RNLS: variants seen among roughly 807,000 people sequenced by gnomAD.
RNLS encodes renalase, FAD dependent amine oxidase.
A neutral mutation model predicts 39.8 loss-of-function variants in RNLS; 39 were observed. The ratio of observed to expected loss-of-function variants is 0.98; its 90% CI spans 0.76 to 1.28. The LOEUF (loss-of-function observed/expected upper bound fraction) is 1.28. RNLS is among the 50% of genes most tolerant of loss of function. The pLI, the probability that RNLS is intolerant of heterozygous loss-of-function variation, is 0.00. For missense variants in RNLS, 410 were observed against 413.3 expected (o/e 0.99, Z 0.07); for synonymous variants, 147 against 150.7 (o/e 0.98, Z 0.18).
intron 4 of RNLS, among the ~76,000 whole-genome samples, chr10:88,545,140 T>C (rs1848233353): frequency 6.6e-6 from 1 of 152,176 alleles, no homozygotes; most frequent in Non-Finnish European, 1.5e-5. Flanking sequence ...GCGATTCTTC[T>C]AAGATCATTA....
chr10:88,175,794 T>A, the RNLS span, among the ~76,000 whole-genome samples: 19 of 152,348 alleles, frequency 1.2e-4, no homozygotes, highest in East Asian at 1.9e-3. Context: ...TAATTTTTTT[T>A]AAATTTTCTG....
chr10:88,328,464 GTA>G (rs1846812755), intron 5 of RNLS, among the ~76,000 whole-genome samples: 1 of 151,936 alleles, frequency 6.6e-6, no homozygotes, highest in Admixed American at 6.6e-5. Flanking sequence ...TTTTTAAGGG[GTA>G]TTTTTTCTTT....
chr10:88,424,581 A>T (rs1220858577), intron 4 of RNLS, among the ~76,000 whole-genome samples: 1 of 152,114 alleles, frequency 6.6e-6, no homozygotes, highest in Non-Finnish European at 1.5e-5. Flanking sequence ...CCAATCATAA[A>T]GTGTTCTATC....
intron 4 of RNLS, among the ~76,000 whole-genome samples, chr10:88,396,953 C>T (rs111341453): frequency 4.0e-5 from 6 of 151,784 alleles, no homozygotes; most frequent in African/African-American, 1.5e-4. Flanking sequence ...CAAATGTGCA[C>T]CAAACAACAG....
chr10:88,189,026 T>G, the RNLS span, among the ~76,000 whole-genome samples: 1 of 152,178 alleles, frequency 6.6e-6, no homozygotes, highest in Non-Finnish European at 1.5e-5. Flanking sequence ...TCCTAAGTGA[T>G]TACCTGGATT....
intron 4 of RNLS, among the ~76,000 whole-genome samples, chr10:88,416,341 C>G (rs1589755450): frequency 6.6e-6 from 1 of 151,878 alleles, no homozygotes; most frequent in East Asian, 1.9e-4. Context: ...GCAACCTCTG[C>G]CTCCTGGGTT....
At chr10:88,210,222 G>A in the RNLS span, among the ~76,000 whole-genome samples, 1 of 152,160 alleles carries the variant, frequency 6.6e-6, no homozygotes, top group African/African-American at 2.4e-5. Flanking sequence ...GGGAGGGACT[G>A]AGACTTCTTT....
rs1169798504 is a variant in RNLS at position 88,285,294 on chromosome 10, A to G, written c.*60T>C. The G allele has an allele frequency of 2.8e-6, 4 of 1,438,856 alleles. No homozygotes were observed. The highest frequency in any genetic ancestry group is 3.7e-6 in the Non-Finnish European group (4 of 1,087,190). The allele number at this position is 1,438,856 out of a possible 1,614,324, so 89.1% of individuals were successfully genotyped here. ...AGCAAAATAGAAAACAAAATAATCA[A>G]TAACAGAAAATTGTGAAAATAAAAA... On this transcript the variant is annotated 3_prime_UTR_variant, in exon 7 of 7. Transcript: ENST00000331772.
chr10:88,233,342 G>A, the RNLS span, among the ~76,000 whole-genome samples: 21 of 152,220 alleles, frequency 1.4e-4, no homozygotes, highest in Non-Finnish European at 2.2e-4. Flanking sequence ...AATGTTCACT[G>A]AATGTTCATT....
chr10:88,407,266 T>C (rs1461897875), intron 4 of RNLS, among the ~76,000 whole-genome samples: 2 of 152,008 alleles, frequency 1.3e-5, no homozygotes, highest in Non-Finnish European at 2.9e-5. Flanking sequence ...CCACTACCAA[T>C]GAAAAGAACA....
the RNLS span, among the ~76,000 whole-genome samples, chr10:88,203,418 A>G: frequency 9.0e-6 from 1 of 110,928 alleles, no homozygotes; most frequent in Admixed American, 9.5e-5. Context: ...ATATACACGT[A>G]TGTGTATATA....
In RNLS at chr10:88,438,819, C is replaced by A. The variant is rs557818262; in HGVS notation, c.527-76094G>T. Reference sequence around the variant, plus strand: ...CCTTGGTCTCTGTGCATTCCCAAGCCCAATCTTCTAGTCTTCTTTTAATTC... The same window carrying A: ...CCTTGGTCTCTGTGCATTCCCAAGCACAATCTTCTAGTCTTCTTTTAATTC... On this transcript the variant is annotated intron_variant, in intron 4 of 6. Transcript: ENST00000331772. Among the ~76,000 whole-genome samples the A allele has an allele frequency of 1.8e-4, 27 of 152,234 alleles. No homozygotes were observed. The South Asian group carries it at 1.9e-3, about 11-fold the overall frequency.
intron 4 of RNLS, among the ~76,000 whole-genome samples, chr10:88,422,270 C>T (rs1854453660): frequency 6.6e-6 from 1 of 152,182 alleles, no homozygotes; most frequent in Non-Finnish European, 1.5e-5. Flanking sequence ...TTATTCAGTG[C>T]ACTTATGCTT....
At chr10:88,419,975 A>G (rs1854296580) in intron 4 of RNLS, among the ~76,000 whole-genome samples, 1 of 151,734 alleles carries the variant, frequency 6.6e-6, no homozygotes, top group African/African-American at 2.4e-5. Flanking sequence ...ATGCCCTTGC[A>G]CTCCAGCCTG....
intron 4 of RNLS, among the ~76,000 whole-genome samples, chr10:88,382,606 C>CTGTT (rs1228393497): frequency 1.3e-5 from 2 of 152,034 alleles, no homozygotes; most frequent in South Asian, 2.1e-4. Flanking sequence ...TAGAACAAAC[C>CTGTT]TGTTTAAGAC....
the RNLS span, among the ~76,000 whole-genome samples, chr10:88,196,932 G>T: frequency 2.0e-5 from 3 of 152,162 alleles, no homozygotes; most frequent in Admixed American, 2.0e-4. Context: ...TCCAAATGCT[G>T]CAAGAGCTAA....
chr10:88,471,645 A>T (rs1208026599), intron 4 of RNLS, among the ~76,000 whole-genome samples: 1 of 152,212 alleles, frequency 6.6e-6, no homozygotes, highest in Non-Finnish European at 1.5e-5. Context: ...AAGCTGTTAA[A>T]TTCACAGGGT....
chr10:88,433,314 C>T (rs985554090), intron 4 of RNLS, among the ~76,000 whole-genome samples: 1 of 151,832 alleles, frequency 6.6e-6, no homozygotes, highest in Non-Finnish European at 1.5e-5. Flanking sequence ...CTGAGCATTG[C>T]TAGGGAAGCA....
chr10:88,336,804 G>C (rs940425192), intron 5 of RNLS, among the ~76,000 whole-genome samples: 11 of 152,204 alleles, frequency 7.2e-5, no homozygotes, highest in African/African-American at 2.7e-4. Flanking sequence ...AAGAGCTGGG[G>C]CTGGGTTGGG....
Sources: gnomAD v4.1 joint callset for allele counts (sites outside exome capture counted in the v4.1 genomes callset) on GRCh38, gnomAD v4.1.1 for gene constraint, MANE v1.5 for transcripts, NCBI Gene and HGNC (gene_info 2026-07-23, HGNC 2026-07-21) for gene names.